Variants in FAM184B observed in about 807,000 individuals in gnomAD.
The protein encoded by FAM184B is family with sequence similarity 184 member B.
Under a neutral mutation model 135.9 loss-of-function variants are expected in FAM184B, and 111 were observed. The observed-to-expected ratio is 0.82, with a 90% CI of 0.70 to 0.96. The LOEUF (loss-of-function observed/expected upper bound fraction) is 0.96, where lower values mean the gene tolerates loss of function less well. Among genes scored for constraint, FAM184B ranks in the 40% least tolerant of loss-of-function variants. FAM184B has a pLI of 0.00. For synonymous variants in FAM184B, 552 were observed against 524.8 expected (o/e 1.05, Z -0.71); for missense variants, 1,375 against 1,323.9 (o/e 1.04, Z -0.60).
At position 17,642,067 on chromosome 4, in the gene FAM184B, T is replaced by TCCTG. The variant is rs1485556928; in HGVS notation, c.2507_2508insCAGG (p.Asp837ArgfsTer39). 1 of 1,530,794 alleles carries TCCTG rather than the reference T, an allele frequency of 6.5e-7. No individual in the cohort carries two copies. The highest frequency in any genetic ancestry group is 1.4e-5 in the African/African-American group (1 of 72,002). 94.8% of individuals were successfully genotyped at this position (1,530,794 alleles called of 1,614,324 possible). ...GCCGGGTCACCCACCTGCGCTGGTC[T>TCCTG]CGGAGCTTCTGCGCCTCCTGCTGAT... On this transcript the variant is annotated frameshift_variant, in exon 13 of 18. Coordinates refer to ENST00000265018, the MANE Select transcript of FAM184B (RefSeq NM_015688.2). LOFTEE classifies it high-confidence loss of function.
In FAM184B at chr4:17,697,708, G is replaced by C. The variant is rs148216853; in HGVS notation, c.1378-4296C>G. On this transcript the variant is annotated intron_variant, in intron 5 of 17. Coordinates refer to ENST00000265018, the MANE Select transcript of FAM184B (RefSeq NM_015688.2). ...ACACTCACTAACATTGCCAAGATGT[G>C]TTCACTGTAACAGCACAGTGACAAT... 1.2e-3 allele frequency among the ~76,000 whole-genome samples: 189 copies of C among 152,272 alleles called. 1 individual carries two copies. Among genetic ancestry groups the C allele is most frequent in the African/African-American group, 4.2e-3 (176 of 41,552 alleles).
intron 1 of FAM184B, among the ~76,000 whole-genome samples, chr4:17,779,777 C>A (rs1718999388): frequency 6.6e-6 from 1 of 152,180 alleles, no homozygotes. Context: ...TGGAAACACC[C>A]AATTTAGCAC....
At chr4:17,669,381 A>G (rs993841241) in intron 7 of FAM184B, among the ~76,000 whole-genome samples, 2 of 152,238 alleles carry the variant, frequency 1.3e-5, no homozygotes, top group Non-Finnish European at 2.9e-5. Context: ...CAGGTTCTGT[A>G]TAAACCTGGG....
At position 17,709,635 on chromosome 4, in the gene FAM184B, C is replaced by A; in HGVS notation, c.151G>T (p.Ala51Ser). 6.7e-7 allele frequency: 1 copy of A among 1,497,568 alleles called. No individual in the cohort carries two copies. Among genetic ancestry groups the A allele is most frequent in the Admixed American group, 2.4e-5 (1 of 42,432 alleles). The allele number at this position is 1,497,568 out of a possible 1,614,324, so 92.8% of individuals were successfully genotyped here. The change falls in exon 2 of 18, where the codon GCC (alanine) becomes TCC (serine). Residue 51 changes from alanine (A) to serine (S), a missense_variant. Ala to Ser is a moderately conservative substitution (Grantham distance 99). Coordinates refer to ENST00000265018, the MANE Select transcript of FAM184B (RefSeq NM_015688.2). Reference sequence around the variant, plus strand: ...GCCTCATCCTGGCGGGTGTTCAGGGCATAAATCACCTGCAGGAAAATCAAC... The same window carrying A: ...GCCTCATCCTGGCGGGTGTTCAGGGAATAAATCACCTGCAGGAAAATCAAC... ...KIAQLTKVIYALNTRQDEAEA... is the reference protein window; with the variant it reads ...KIAQLTKVIYSLNTRQDEAEA...
At chr4:17,739,240 G>T (rs1717971117) in intron 1 of FAM184B, among the ~76,000 whole-genome samples, 2 of 152,032 alleles carry the variant, frequency 1.3e-5, no homozygotes, top group Admixed American at 1.3e-4. Flanking sequence ...TCCTTCCCCA[G>T]TCTGACCTCC....
At chr4:17,716,991 A>T (rs2108970181) in intron 1 of FAM184B, among the ~76,000 whole-genome samples, 1 of 152,012 alleles carries the variant, frequency 6.6e-6, no homozygotes, top group South Asian at 2.1e-4. Context: ...TTGTATTTTT[A>T]GTAAAGATGG....
intron 13 of FAM184B, 38 bp from the exon 14 acceptor site, chr4:17,639,434 C>T (rs1715244435): frequency 1.9e-6 from 3 of 1,548,140 alleles, no homozygotes; most frequent in Non-Finnish European, 2.6e-6. Flanking sequence ...TTGCCCAGCT[C>T]CAGGGATGGC....
At chr4:17,634,745 ACT>A (rs1474350868) in intron 16 of FAM184B, among the ~76,000 whole-genome samples, 1 of 152,114 alleles carries the variant, frequency 6.6e-6, no homozygotes, top group Non-Finnish European at 1.5e-5. Flanking sequence ...GAAGATTCTT[ACT>A]CTTCTCCCTC....
chr4:17,634,379 G>A (rs745323368), intron 16 of FAM184B, among the ~76,000 whole-genome samples: 25 of 152,096 alleles, frequency 1.6e-4, no homozygotes, highest in African/African-American at 3.1e-4. Context: ...GCTGGAGTAC[G>A]GTGGTGCGAT....
chr4:17,717,021 G>C (rs1004350701), intron 1 of FAM184B, among the ~76,000 whole-genome samples: 2 of 152,088 alleles, frequency 1.3e-5, no homozygotes, highest in Non-Finnish European at 2.9e-5. Context: ...ATGTTGGCCA[G>C]GCTGGTCTAG....
At chr4:17,742,384 T>C (rs774138835) in intron 1 of FAM184B, among the ~76,000 whole-genome samples, 3 of 151,794 alleles carry the variant, frequency 2.0e-5, no homozygotes, top group Non-Finnish European at 4.4e-5. Context: ...CAGGGATCCA[T>C]GATCACACCA....
rs374104439 is a variant in FAM184B, at chr4:17,638,168, C to A, written c.2666+1082G>T. 3.6e-3 allele frequency among the ~76,000 whole-genome samples: 123 copies of A among 33,954 alleles called. 1 individual carries two copies. The highest frequency in any genetic ancestry group is 0.023 in the Middle Eastern group (1 of 44). The allele number at this position is 33,954 out of a possible 152,430, so 22.3% of individuals were successfully genotyped here. On this transcript the variant is annotated intron_variant, in intron 14 of 17. Transcript: ENST00000265018. ...TTTTTTTTTTTTTTTTTTTTTGAGA[C>A]AGGGTCTATTTTTTTTGTTTTGTTT...
intron 1 of FAM184B, among the ~76,000 whole-genome samples, chr4:17,726,733 C>A (rs13148666): frequency 6.6e-6 from 1 of 151,984 alleles, no homozygotes; most frequent in Non-Finnish European, 1.5e-5. Context: ...TCTGAGTTGG[C>A]TTTATTCCTT....
intron 16 of FAM184B, 128 bp downstream of exon 16, chr4:17,634,881 T>TG (rs200401027): frequency 4.8e-5 from 27 of 564,588 alleles, no homozygotes; most frequent in South Asian, 9.9e-5. Context: ...TATAAACAAG[T>TG]GGGTTTTTTT....
chr4:17,717,976 G>A (rs1717433227), intron 1 of FAM184B, among the ~76,000 whole-genome samples: 1 of 152,122 alleles, frequency 6.6e-6, no homozygotes, highest in Non-Finnish European at 1.5e-5. Context: ...ATTCTACAAA[G>A]TGAATGTTTT....
Position 17,636,652 on chromosome 4 carries a change from C to G in FAM184B, c.2667-7G>C. ...CTCTCCGGAATCTTTCAGTCTGTTC[C>G]AAGCAGGCATGCAGTCAAGTCCCCC... On this transcript the variant is annotated splice_polypyrimidine_tract_variant and splice_region_variant and intron_variant, in intron 14 of 17. Coordinates refer to ENST00000265018, the MANE Select transcript of FAM184B (RefSeq NM_015688.2). The G allele has an allele frequency of 6.5e-7, 1 of 1,543,022 alleles. No homozygotes were observed. The highest frequency in any genetic ancestry group is 8.7e-7 in the Non-Finnish European group (1 of 1,143,340).
intron 1 of FAM184B, among the ~76,000 whole-genome samples, chr4:17,720,927 A>C (rs1717509915): frequency 6.6e-6 from 1 of 151,690 alleles, no homozygotes; most frequent in Non-Finnish European, 1.5e-5. Flanking sequence ...GAAAAGAAAA[A>C]GAAATTAAAC....
Position 17,642,156 on chromosome 4 carries a change from GC to G in FAM184B, c.2418del (p.Leu807SerfsTer84). On this transcript the variant is annotated frameshift_variant, in exon 13 of 18. Transcript: ENST00000265018. LOFTEE classifies it high-confidence loss of function. ...TGGAGCTGCGCGTTCTCCTCCCAGA[GC>G]CCGCATCCCTCGCCGGAACCCTGCC... The part of the protein sequence containing the change: ...AAGQGSGEGC[G>X]LWEENAQLQD... 1 of 1,533,448 alleles carries G rather than the reference GC, an allele frequency of 6.5e-7. No homozygotes were observed. Among genetic ancestry groups the G allele is most frequent in the Non-Finnish European group, 8.7e-7 (1 of 1,145,518 alleles). 95.0% of individuals were successfully genotyped at this position (1,533,448 alleles called of 1,614,324 possible). A position where few individuals can be genotyped will look rare whatever the true frequency, so the allele number is the denominator to read the frequency against.
intron 1 of FAM184B, among the ~76,000 whole-genome samples, chr4:17,711,425 C>T (rs1481761737): frequency 6.6e-6 from 1 of 151,996 alleles, no homozygotes; most frequent in Non-Finnish European, 1.5e-5. Context: ...TTGTGGTGAG[C>T]AGAGATTGCG....
Sources: allele counts gnomAD v4.1 joint callset (sites outside exome capture counted in the v4.1 genomes callset), GRCh38; gene constraint gnomAD v4.1.1; transcripts MANE v1.5; gene names NCBI Gene and HGNC (gene_info 2026-07-23, HGNC 2026-07-21).